Variants in TF observed in about 807,000 individuals in gnomAD.
The protein encoded by TF is transferrin, also known as serotransferrin.
A neutral mutation model predicts 82.4 loss-of-function variants in TF; 55 were observed. The observed-to-expected ratio is 0.67, with a 90% confidence interval of 0.54 to 0.84. The LOEUF (loss-of-function observed/expected upper bound fraction) is 0.84. Among genes scored for constraint, TF ranks in the 40% least tolerant of loss-of-function variants. The pLI is 0.00. For missense variants in TF, 737 were observed against 868.4 expected, an observed-to-expected ratio of 0.85 and a Z score of 1.90; for synonymous variants, 332 against 332.6, an observed-to-expected ratio of 1.00 and a Z score of 0.02.
the TF span, among the ~76,000 whole-genome samples, chr3:133,686,751 G>A: frequency 2.0e-5 from 3 of 152,086 alleles, no homozygotes; most frequent in African/African-American, 7.2e-5. Flanking sequence ...ACTGTTGGTG[G>A]GAGTGTCAGT....
intron 16 of TF, 46 bp from the exon 17 acceptor site, chr3:133,778,540 A>G: frequency 1.2e-6 from 2 of 1,603,890 alleles, no homozygotes; most frequent in Non-Finnish European, 1.7e-6. Context: ...TCAGAAATAA[A>G]TATAGGAAGA....
chr3:133,763,634 T>C (rs927739324), intron 9 of TF, among the ~76,000 whole-genome samples: 4 of 152,250 alleles, frequency 2.6e-5, no homozygotes, highest in Admixed American at 6.5e-5. Context: ...TTACAAACCT[T>C]GTTGAATCTA....
chr3:133,717,188 C>T, the TF span, among the ~76,000 whole-genome samples: 17 of 152,250 alleles, frequency 1.1e-4, no homozygotes, highest in East Asian at 2.1e-3. Flanking sequence ...ACAAGGACCC[C>T]GTTGGTTGTA....
the TF span, among the ~76,000 whole-genome samples, chr3:133,683,784 A>T: frequency 6.6e-6 from 1 of 152,218 alleles, no homozygotes; most frequent in African/African-American, 2.4e-5. Context: ...TCAACATTAG[A>T]CAGATCAACG....
the TF span, among the ~76,000 whole-genome samples, chr3:133,727,538 C>T: frequency 8.3e-5 from 9 of 108,960 alleles, no homozygotes; most frequent in South Asian, 3.5e-4. Flanking sequence ...TTATTTTGAG[C>T]CTATGTGTGT....
chr3:133,716,928 C>T, the TF span, among the ~76,000 whole-genome samples: 1 of 152,280 alleles, frequency 6.6e-6, no homozygotes, highest in South Asian at 2.1e-4. Flanking sequence ...GTCCTACCCC[C>T]ATCTGGAGTG....
chr3:133,730,062 C>G, the TF span, among the ~76,000 whole-genome samples: 10 of 152,166 alleles, frequency 6.6e-5, no homozygotes, highest in Non-Finnish European at 1.5e-4. Context: ...ACATTGATAT[C>G]AGCACATCTA....
chr3:133,759,599 TG>T (rs1263126145), intron 9 of TF, among the ~76,000 whole-genome samples: 1 of 152,128 alleles, frequency 6.6e-6, no homozygotes, highest in Non-Finnish European at 1.5e-5. Flanking sequence ...TGGACCATGG[TG>T]TGGGTGTCCT....
intron 2 of TF, among the ~76,000 whole-genome samples, chr3:133,751,982 G>A (rs575408404): frequency 9.2e-5 from 14 of 152,262 alleles, no homozygotes; most frequent in African/African-American, 2.4e-4. Flanking sequence ...GGACAAGAGC[G>A]AGACTGCTGA....
At position 133,748,542 on chromosome 3, in the gene TF, T is replaced by A. The variant is rs1559867036; in HGVS notation, c.174T>A (p.Cys58Ter). The change falls in exon 2 of 17, where the codon TGT becomes TGA. Residue 58 changes from cysteine (C) to a stop codon, truncating the protein, a stop_gained. Coordinates refer to ENST00000402696, the MANE Select transcript of TF (RefSeq NM_001063.4). LOFTEE classifies it high-confidence loss of function. ...VIPSDGPSVA[C>*]VKKASYLDCI... ...CATCCGATGGTCCCAGTGTTGCTTGTGTGAAGAAAGCCTCCTACCTTGATT... is the reference window on the plus strand; with the variant it reads ...CATCCGATGGTCCCAGTGTTGCTTGAGTGAAGAAAGCCTCCTACCTTGATT... 6.2e-7 allele frequency: 1 copy of A among 1,614,042 alleles called. No homozygotes were observed. The highest frequency in any genetic ancestry group is 8.5e-7 in the Non-Finnish European group (1 of 1,180,000).
upstream of TF, among the ~76,000 whole-genome samples, chr3:133,743,090 G>T (rs1485335908): frequency 1.3e-5 from 2 of 152,104 alleles, no homozygotes; most frequent in Non-Finnish European, 2.9e-5. Flanking sequence ...GGCAGCTGTG[G>T]TCTGGAGAAG....
At chr3:133,721,512 A>G in the TF span, among the ~76,000 whole-genome samples, 1 of 152,206 alleles carries the variant, frequency 6.6e-6, no homozygotes, top group Non-Finnish European at 1.5e-5. Flanking sequence ...AATGTGATAT[A>G]TCCTAGAGAA....
chr3:133,692,333 G>A, the TF span, among the ~76,000 whole-genome samples: 1 of 152,204 alleles, frequency 6.6e-6, no homozygotes, highest in Non-Finnish European at 1.5e-5. Flanking sequence ...GCCTCAGTCT[G>A]ACTCTTGCAG....
chr3:133,686,128 G>A, the TF span, among the ~76,000 whole-genome samples: 3 of 152,174 alleles, frequency 2.0e-5, no homozygotes, highest in Non-Finnish European at 2.9e-5. Flanking sequence ...ATGGTGCTGC[G>A]AAAACTGGGT....
intron 7 of TF, among the ~76,000 whole-genome samples, 154 bp downstream of exon 7, chr3:133,757,163 T>G (rs1933860708): frequency 6.6e-6 from 1 of 152,302 alleles, no homozygotes; most frequent in East Asian, 1.9e-4. Flanking sequence ...AAGCTGGGAC[T>G]CCCCACAGAG....
the TF span, among the ~76,000 whole-genome samples, chr3:133,705,274 CA>C: frequency 0.72 from 99,534 of 137,702 alleles, 35,523 homozygotes; most frequent in Non-Finnish European, 0.81. Flanking sequence ...AACTCCATCT[CA>C]AAAAAAAAAA....
In TF at chr3:133,789,949, T is replaced by C. The variant is rs972838895; in HGVS notation, c.*11329T>C. On this transcript the variant is annotated 3_prime_UTR_variant, in exon 17 of 17. Transcript: ENST00000402696. Reference sequence around the variant, plus strand: ...TTTAATGTTAGCTAAATCTTCTGGGTTACTGGCAAAAATACGTATGTATTA... The same window carrying C: ...TTTAATGTTAGCTAAATCTTCTGGGCTACTGGCAAAAATACGTATGTATTA... 2.8e-5 allele frequency: 4 copies of C among 142,080 alleles called. No homozygotes were observed. The East Asian group carries it at 8.7e-4, about 31-fold the overall frequency. 8.8% of individuals were successfully genotyped at this position (142,080 alleles called of 1,614,324 possible).
the TF span, among the ~76,000 whole-genome samples, chr3:133,725,948 C>G: frequency 2.6e-5 from 4 of 152,090 alleles, no homozygotes; most frequent in Admixed American, 1.3e-4. Context: ...TGTTTATATG[C>G]TGGATTACAT....
upstream of TF, chr3:133,746,344 C>A: frequency 6.9e-7 from 1 of 1,448,086 alleles, no homozygotes; most frequent in South Asian, 1.2e-5. Flanking sequence ...TGCGCCCAGC[C>A]CGCCCAGGCC....
Sources: allele counts gnomAD v4.1 joint callset (sites outside exome capture counted in the v4.1 genomes callset), GRCh38; gene constraint gnomAD v4.1.1; transcripts MANE v1.5; gene names NCBI Gene and HGNC (gene_info 2026-07-23, HGNC 2026-07-21).